GOLPH3L: variants seen among roughly 807,000 people sequenced by gnomAD.
GOLPH3L encodes golgi phosphoprotein 3 like.
GOLPH3L carries 22 observed loss-of-function variants against 30.3 expected under a neutral mutation model. The ratio of observed to expected loss-of-function variants is 0.73; its 90% CI spans 0.52 to 1.04. The LOEUF is 1.04. Ranked by LOEUF, GOLPH3L falls within the 50% of genes least tolerant of loss-of-function variation. The pLI is 0.00. For missense variants in GOLPH3L, 303 were observed against 345.8 expected (o/e 0.88, Z 0.98); for synonymous variants, 120 against 128.2 (o/e 0.94, Z 0.43).
At position 150,693,492 on chromosome 1, in the gene GOLPH3L, G is replaced by T. The variant is rs143507016; in HGVS notation, c.183+1164C>A. On this transcript the variant is annotated intron_variant, in intron 2 of 4. Coordinates refer to ENST00000271732, the MANE Select transcript of GOLPH3L (RefSeq NM_018178.6). ...TTCTTGCAGGCGGTGGGCGAGGGGG[G>T]GCGGTTATTTAAGGCTTTCCTGGAA... Among the ~76,000 whole-genome samples the T allele has an allele frequency of 3.6e-3, 543 of 151,984 alleles. 8 individuals carry two copies. Among genetic ancestry groups the T allele is most frequent in the African/African-American group, 0.012 (510 of 41,432 alleles).
intron 2 of GOLPH3L, among the ~76,000 whole-genome samples, chr1:150,685,444 G>A (rs1291451186): frequency 2.0e-5 from 3 of 152,220 alleles, no homozygotes; most frequent in African/African-American, 7.2e-5. Flanking sequence ...GCCAGATGCA[G>A]TGGCTTATGC....
At chr1:150,695,383 T>G (rs896973336) in intron 1 of GOLPH3L, among the ~76,000 whole-genome samples, 3 of 152,116 alleles carry the variant, frequency 2.0e-5, no homozygotes, top group African/African-American at 7.2e-5. Flanking sequence ...GTGATCTGCC[T>G]GCCTGGGCCT....
chr1:150,673,330 G>A lies in GOLPH3L; in HGVS notation c.184-9567C>T, dbSNP rs182833008. ...TGTAATCCCAGCACTTTGGGAAGCC[G>A]AGGCGGGCGGATCACAAGGTTAGGA... On this transcript the variant is annotated intron_variant, in intron 2 of 4. Coordinates refer to ENST00000271732, the MANE Select transcript of GOLPH3L (RefSeq NM_018178.6). 4.3e-3 allele frequency among the ~76,000 whole-genome samples: 650 copies of A among 152,138 alleles called. 14 individuals carry two copies. The highest frequency in any genetic ancestry group is 0.036 in the Admixed American group (545 of 15,256).
In GOLPH3L at chr1:150,675,306, T is replaced by C. The variant is rs587692431; in HGVS notation, c.184-11543A>G. 3.0e-3 allele frequency among the ~76,000 whole-genome samples: 451 copies of C among 152,092 alleles called. 3 individuals carry two copies. Among genetic ancestry groups the C allele is most frequent in the Non-Finnish European group, 5.3e-3 (357 of 67,976 alleles). ...AAATAGCTTTTCTCTCCTTGATTAC[T>C]AGCATATACACATTGTAGAAAATTT... On this transcript the variant is annotated intron_variant, in intron 2 of 4. Coordinates refer to ENST00000271732, the MANE Select transcript of GOLPH3L (RefSeq NM_018178.6).
At chr1:150,672,982 T>C (rs587652785) in intron 2 of GOLPH3L, among the ~76,000 whole-genome samples, 29 of 152,160 alleles carry the variant, frequency 1.9e-4, no homozygotes, top group African/African-American at 6.7e-4. Flanking sequence ...TTTATTAGTT[T>C]TTGCAGGGCT....
At chr1:150,671,000 G>A (rs917352769) in intron 2 of GOLPH3L, among the ~76,000 whole-genome samples, 5 of 152,136 alleles carry the variant, frequency 3.3e-5, no homozygotes, top group African/African-American at 1.2e-4. Flanking sequence ...AGCACTTTGG[G>A]AGGCCATGGT....
chr1:150,673,022 A>G (rs1314618137), intron 2 of GOLPH3L, among the ~76,000 whole-genome samples: 1 of 151,800 alleles, frequency 6.6e-6, no homozygotes, highest in East Asian at 1.9e-4. Flanking sequence ...TCAAAAGTTT[A>G]GCAAATAAAA....
At chr1:150,690,099 G>A (rs192845152) in intron 2 of GOLPH3L, among the ~76,000 whole-genome samples, 10 of 151,838 alleles carry the variant, frequency 6.6e-5, no homozygotes, top group African/African-American at 2.4e-4. Flanking sequence ...CAATCCTCTC[G>A]CCTCAATCTC....
chr1:150,682,716 A>C (rs973701742), intron 2 of GOLPH3L, among the ~76,000 whole-genome samples: 1 of 151,928 alleles, frequency 6.6e-6, no homozygotes, highest in Non-Finnish European at 1.5e-5. Flanking sequence ...TTAAAGTATC[A>C]AAAAGTAATA....
chr1:150,663,745 T>A lies in GOLPH3L; in HGVS notation c.202A>T (p.Asn68Tyr). 1 of 1,613,424 alleles carries A rather than the reference T, an allele frequency of 6.2e-7. No individual in the cohort carries two copies. ...CGCAGGCCTGATGATATGCAGTCATTCCAGAAAGATGTGTACCCCTAGGAA... is the reference window on the plus strand; with the variant it reads ...CGCAGGCCTGATGATATGCAGTCATACCAGAAAGATGTGTACCCCTAGGAA... ...KDKEGYTSFW[N>Y]DCISSGLRGG... Residue 68 changes from asparagine to tyrosine, a missense_variant, in exon 3 of 5, where the codon AAT (asparagine) becomes TAT (tyrosine). Coordinates refer to ENST00000271732, the MANE Select transcript of GOLPH3L (RefSeq NM_018178.6).
At chr1:150,654,502 C>T (rs1035964574) in intron 4 of GOLPH3L, among the ~76,000 whole-genome samples, 3 of 149,780 alleles carry the variant, frequency 2.0e-5, no homozygotes, top group African/African-American at 7.5e-5. Context: ...GCAAGACATT[C>T]CGTTTAAAAA....
chr1:150,681,109 T>G (rs587615349), intron 2 of GOLPH3L, among the ~76,000 whole-genome samples: 21 of 152,204 alleles, frequency 1.4e-4, no homozygotes, highest in Admixed American at 5.2e-4. Context: ...TGCACTCCAG[T>G]CTGGGTGACA....
At chr1:150,664,825 C>T (rs1200097674) in intron 2 of GOLPH3L, among the ~76,000 whole-genome samples, 5 of 152,128 alleles carry the variant, frequency 3.3e-5, no homozygotes. Context: ...GTTACTTAAA[C>T]TTTCTGAAGT....
chr1:150,673,498 G>A (rs779583568), intron 2 of GOLPH3L, among the ~76,000 whole-genome samples: 10 of 151,654 alleles, frequency 6.6e-5, no homozygotes, highest in East Asian at 1.9e-4. Context: ...ATCAGGAGGC[G>A]GAGGTTGCAG....
In GOLPH3L at chr1:150,692,721, A is replaced by G. The variant is rs189392885; in HGVS notation, c.183+1935T>C. Among the ~76,000 whole-genome samples the G allele has an allele frequency of 2.9e-3, 440 of 152,286 alleles. 2 individuals are homozygous for G. Among genetic ancestry groups the G allele is most frequent in the African/African-American group, 9.5e-3 (394 of 41,548 alleles). ...GCTTATTTTGTACAGTATCTCACCA[A>G]TATGTTAAGTACTCACCATGGCCAT... On this transcript the variant is annotated intron_variant, in intron 2 of 4. Transcript: ENST00000271732.
chr1:150,650,143 T>C lies in GOLPH3L; in HGVS notation c.431-1395A>G, dbSNP rs189787333. Among the ~76,000 whole-genome samples the C allele has an allele frequency of 2.0e-5, 3 of 152,232 alleles. 1 individual carries two copies. Among genetic ancestry groups the C allele is most frequent in the Admixed American group, 1.3e-4 (2 of 15,288 alleles). On this transcript the variant is annotated intron_variant, in intron 4 of 4. Transcript: ENST00000271732. ...GTGGGGCAAAATGTAAACTCCCTGA[T>C]TTGTGATGGCTATGTCAAAATCACA...
chr1:150,671,639 C>T (rs1311103957), intron 2 of GOLPH3L, among the ~76,000 whole-genome samples: 2 of 151,866 alleles, frequency 1.3e-5, no homozygotes, highest in Admixed American at 1.3e-4. Context: ...AACACTGTCT[C>T]TACTAAAAAT....
chr1:150,648,806 TG>T, intron 4 of GOLPH3L, 58 bp from the exon 5 acceptor site: 1 of 1,058,790 alleles, frequency 9.4e-7, no homozygotes, highest in Admixed American at 2.0e-5. Flanking sequence ...AAATGAAACA[TG>T]TAGTTGTTTG....
intron 4 of GOLPH3L, among the ~76,000 whole-genome samples, chr1:150,660,776 G>T (rs894838710): frequency 2.6e-5 from 4 of 152,126 alleles, no homozygotes; most frequent in African/African-American, 9.7e-5. Flanking sequence ...GCCAGGGACT[G>T]GGGGGAGAGA....
Sources: allele counts gnomAD v4.1 joint callset (sites outside exome capture counted in the v4.1 genomes callset), GRCh38; gene constraint gnomAD v4.1.1; transcripts MANE v1.5; gene names NCBI Gene and HGNC (gene_info 2026-07-23, HGNC 2026-07-21).